COL16A1: variants seen among roughly 807,000 people sequenced by gnomAD.
COL16A1 encodes the protein collagen type XVI alpha 1 chain.
Under a neutral mutation model 266.3 loss-of-function variants are expected in COL16A1, and 189 were observed. The observed-to-expected ratio is 0.71, with a 90% CI of 0.63 to 0.80. The LOEUF is 0.80. Among genes scored for constraint, COL16A1 ranks in the 30% least tolerant of loss-of-function variants. The pLI, the probability that COL16A1 is intolerant of heterozygous loss-of-function variation, is 0.00. For missense variants in COL16A1, 1,928 were observed against 2,122.4 expected (o/e 0.91, Z 1.80); for synonymous variants, 740 against 782.3 (o/e 0.95, Z 0.90).
chr1:31,655,424 T>C lies in COL16A1; in HGVS notation c.4180A>G (p.Ser1394Gly), dbSNP rs1641045124. The C allele has an allele frequency of 6.2e-7, 1 of 1,614,072 alleles. No homozygotes were observed. The highest frequency in any genetic ancestry group is 1.7e-5 in the Admixed American group (1 of 60,020). Residue 1394 changes from serine (S) to glycine (G), a missense_variant, in exon 67 of 71, where the codon AGT (serine) becomes GGT (glycine). Ser to Gly is a moderately conservative substitution (Grantham distance 56). Transcript: ENST00000373672. Reference protein sequence around the residue: ...RAGMPGGPGKSGSMGPVGPPG... With the variant: ...RAGMPGGPGKGGSMGPVGPPG... Reference sequence around the variant, plus strand: ...GGCCCAACAGGCCCCATGGAACCACTCTTGCCAGGTCCACCAGGCATGCCG... The same window carrying C: ...GGCCCAACAGGCCCCATGGAACCACCCTTGCCAGGTCCACCAGGCATGCCG...
intron 48 of COL16A1, among the ~76,000 whole-genome samples, chr1:31,671,301 G>A (rs1278461026): frequency 6.6e-6 from 1 of 152,218 alleles, no homozygotes; most frequent in African/African-American, 2.4e-5. Context: ...TGAAGCCTAG[G>A]CCCCCTGCCG....
rs1557630038 is a variant in COL16A1 at position 31,668,271 on chromosome 1, C to G, written c.3250-53G>C. 4 of 1,588,736 alleles carry G rather than the reference C, an allele frequency of 2.5e-6. No homozygotes were observed. The highest frequency in any genetic ancestry group is 1.1e-5 in the South Asian group (1 of 90,428). ...AGCCCCCCAACATTTCTGTTCTCCC[C>G]TCGCTGGGTAAGAGGATGGCCAAAG... On this transcript the variant is annotated intron_variant, in intron 50 of 70. Transcript: ENST00000373672. The surrounding 1 kb of genome is among the most constrained non-coding windows in gnomAD (Gnocchi z 5.8).
In COL16A1 at chr1:31,698,397, C is replaced by T. The variant is rs537098511; in HGVS notation, c.390+86G>A. 17 of 1,585,868 alleles carry T rather than the reference C, an allele frequency of 1.1e-5. No homozygotes were observed. The African/African-American group carries it at 1.9e-4, about 17-fold the overall frequency. On this transcript the variant is annotated intron_variant, in intron 5 of 70. Transcript: ENST00000373672. This position sits in a 1 kb window ranked among gnomAD's most constrained non-coding sequence, Gnocchi z 4.1. The stretch of plus-strand genomic sequence containing the variant: ...GGCACAGGATGGAGCAGGGAGACCC[C>T]AGAAGTCACAAGCCGGGATGAAAGG...
Position 31,668,318 on chromosome 1 carries a change from T to A in COL16A1, c.3250-100A>T. On this transcript the variant is annotated intron_variant, in intron 50 of 70. Coordinates refer to ENST00000373672, the MANE Select transcript of COL16A1 (RefSeq NM_001856.4). The surrounding 1 kb of genome is among the most constrained non-coding windows in gnomAD (Gnocchi z 5.8). ...AAAGCTAAAACCTCTGGGGCTGCCA[T>A]CTAGCAGGTGCCAGCCTGCCCCAGC... The A allele has an allele frequency of 7.7e-7, 1 of 1,290,684 alleles. No individual in the cohort carries two copies. Among genetic ancestry groups the A allele is most frequent in the Non-Finnish European group, 1.1e-6 (1 of 899,648 alleles). 80.0% of individuals were successfully genotyped at this position (1,290,684 alleles called of 1,614,324 possible). A position where few individuals can be genotyped will look rare whatever the true frequency, so the allele number is the denominator to read the frequency against.
At position 31,672,427 on chromosome 1, in the gene COL16A1, T is replaced by C; in HGVS notation, c.3094A>G (p.Arg1032Gly). The C allele has an allele frequency of 6.2e-7, 1 of 1,614,122 alleles. No homozygotes were observed. Among genetic ancestry groups the C allele is most frequent in the African/African-American group, 1.3e-5 (1 of 75,034 alleles). ...LPGPPGLPGQ[R>G]GEEGPPGMRG... ...ATCCCTGGTCTTACCTCTTCTCCTC[T>C]CTGGCCTGGCAATCCCGGAGGACCA... Residue 1032 changes from arginine (R) to glycine (G), a missense_variant, in exon 47 of 71, where the codon AGA becomes GGA. Arg to Gly is a moderately radical substitution (Grantham distance 125). Transcript: ENST00000373672.
At position 31,703,952 on chromosome 1, in the gene COL16A1, T is replaced by G. The variant is rs1644810061; in HGVS notation, c.-150A>C. The G allele has an allele frequency of 6.6e-6, 1 of 152,228 alleles. No individual in the cohort carries two copies. The highest frequency in any genetic ancestry group is 1.5e-5 in the Non-Finnish European group (1 of 68,088). 9.4% of individuals were successfully genotyped at this position (152,228 alleles called of 1,614,324 possible). ...TCTATCTCTCCGTGACGGTCACGGG[T>G]CCCCAGCTTCCTGGCGCTCGAGCTC... On this transcript the variant is annotated 5_prime_UTR_variant, in exon 1 of 71. Coordinates refer to ENST00000373672, the MANE Select transcript of COL16A1 (RefSeq NM_001856.4).
intron 16 of COL16A1, 96 bp from the exon 17 acceptor site, chr1:31,692,163 C>A: frequency 6.4e-7 from 1 of 1,559,694 alleles, no homozygotes; most frequent in East Asian, 2.2e-5. Context: ...TTCTAGACCC[C>A]TGGTCTCTGT....
chr1:31,668,344 A>G lies in COL16A1; in HGVS notation c.3250-126T>C, dbSNP rs1490693734. On this transcript the variant is annotated intron_variant, in intron 50 of 70. Transcript: ENST00000373672. This position sits in a 1 kb window ranked among gnomAD's most constrained non-coding sequence, Gnocchi z 5.8. ...CTAGCAGGTGCCAGCCTGCCCCAGCATTGCACACTGGGCCATCTCCCCAAG... is the reference window on the plus strand; with the variant it reads ...CTAGCAGGTGCCAGCCTGCCCCAGCGTTGCACACTGGGCCATCTCCCCAAG... 7.8e-5 allele frequency: 76 copies of G among 972,130 alleles called. No individual in the cohort carries two copies. Among genetic ancestry groups the G allele is most frequent in the East Asian group, 1.3e-4 (5 of 38,450 alleles). The allele number at this position is 972,130 out of a possible 1,614,324, so 60.2% of individuals were successfully genotyped here.
At chr1:31,695,626 C>T in intron 10 of COL16A1, 135 bp downstream of exon 10, 2 of 865,160 alleles carry the variant, frequency 2.3e-6, no homozygotes, top group Non-Finnish European at 3.8e-6. Flanking sequence ...AGACAGGGCC[C>T]AGCATCAGGC....
In COL16A1 at chr1:31,699,913, G is replaced by A. The variant is rs779624978; in HGVS notation, c.166C>T (p.Arg56Ter). 1.4e-5 allele frequency: 22 copies of A among 1,612,940 alleles called. No homozygotes were observed. In the South Asian group the frequency reaches 1.5e-4, roughly 11 times the overall value. ...ANVTGFNLIH[R>*]LSLMKTSAIK... Reference sequence around the variant, plus strand: ...GCAGACGTCTTCATGAGGCTGAGTCGGTGGATGAGGTTGAAGCCTTTGGGG... The same window carrying A: ...GCAGACGTCTTCATGAGGCTGAGTCAGTGGATGAGGTTGAAGCCTTTGGGG... Residue 56 changes from arginine to a stop codon, truncating the protein, a stop_gained, in exon 4 of 71, where the codon CGA becomes TGA. Coordinates refer to ENST00000373672, the MANE Select transcript of COL16A1 (RefSeq NM_001856.4). LOFTEE classifies it high-confidence loss of function.
chr1:31,693,416 C>T (rs1644365073), intron 12 of COL16A1, among the ~76,000 whole-genome samples: 1 of 152,142 alleles, frequency 6.6e-6, no homozygotes, highest in Non-Finnish European at 1.5e-5. Flanking sequence ...GGTATCCCAT[C>T]CCCCACACCC....
rs764238055 is a variant in COL16A1 at position 31,695,748 on chromosome 1, C to CT, written c.945+12dup. On this transcript the variant is annotated intron_variant, in intron 10 of 70. Transcript: ENST00000373672. Reference sequence around the variant, plus strand: ...TGGCACCTCCCCTGCTGCCAGTCCACTGGGAGGCTTACCTCATCGGCTGCT... The same window carrying CT: ...TGGCACCTCCCCTGCTGCCAGTCCACTTGGGAGGCTTACCTCATCGGCTGCT... 6.2e-7 allele frequency: 1 copy of CT among 1,613,618 alleles called. No homozygotes were observed. Among genetic ancestry groups the CT allele is most frequent in the South Asian group, 1.1e-5 (1 of 91,066 alleles).
chr1:31,664,190 AG>A lies in COL16A1; in HGVS notation c.3555+981del. ...AAGGGGAAGGGGAAGGGGAAGGGGA[AG>A]GGGAAGGGGGCTAGCAACCACCACT... On this transcript the variant is annotated intron_variant, in intron 56 of 70. Transcript: ENST00000373672. The surrounding 1 kb of genome is among the most constrained non-coding windows in gnomAD (Gnocchi z 5.5). Among the ~76,000 whole-genome samples, 1 of 82,796 alleles carries A rather than the reference AG, an allele frequency of 1.2e-5. No homozygotes were observed. The highest frequency in any genetic ancestry group is 3.2e-5 in the African/African-American group (1 of 30,888). The allele number at this position is 82,796 out of a possible 152,430, so 54.3% of individuals were successfully genotyped here.
Position 31,652,367 on chromosome 1 carries a change from T to G in COL16A1, c.*284A>C. 4.5e-6 allele frequency: 1 copy of G among 222,962 alleles called. No individual in the cohort carries two copies. The highest frequency in any genetic ancestry group is 9.3e-5 in the East Asian group (1 of 10,700). 13.8% of individuals were successfully genotyped at this position (222,962 alleles called of 1,614,324 possible). A position where few individuals can be genotyped will look rare whatever the true frequency, so the allele number is the denominator to read the frequency against. On this transcript the variant is annotated 3_prime_UTR_variant, in exon 71 of 71. Coordinates refer to ENST00000373672, the MANE Select transcript of COL16A1 (RefSeq NM_001856.4). The surrounding 1 kb of genome is among the most constrained non-coding windows in gnomAD (Gnocchi z 4.8). The stretch of plus-strand genomic sequence containing the variant: ...GATCCTCCCACCTCAGCCCCTTGAA[T>G]AGCTAGGATTACAGGTATATGCCCC...
At position 31,656,016 on chromosome 1, in the gene COL16A1, G is replaced by A. The variant is rs143184411; in HGVS notation, c.4101+384C>T. 43 of 334,298 alleles carry A rather than the reference G, an allele frequency of 1.3e-4. No individual in the cohort carries two copies. The highest frequency in any genetic ancestry group is 6.8e-4 in the Admixed American group (14 of 20,510). 20.7% of individuals were successfully genotyped at this position (334,298 alleles called of 1,614,324 possible). A position where few individuals can be genotyped will look rare whatever the true frequency, so the allele number is the denominator to read the frequency against. On this transcript the variant is annotated intron_variant, in intron 66 of 70. Coordinates refer to ENST00000373672, the MANE Select transcript of COL16A1 (RefSeq NM_001856.4). This position sits in a 1 kb window ranked among gnomAD's most constrained non-coding sequence, Gnocchi z 4.2. ...CTCATCCCACAGCGCTATGTCTCATGTCTTCTGGAAAACTTGCCAATCCCT... is the reference window on the plus strand; with the variant it reads ...CTCATCCCACAGCGCTATGTCTCATATCTTCTGGAAAACTTGCCAATCCCT...
rs371825843 is a variant in COL16A1, at chr1:31,691,515, G to A, written c.1303-3C>T. 5 of 1,613,888 alleles carry A rather than the reference G, an allele frequency of 3.1e-6. No homozygotes were observed. The highest frequency in any genetic ancestry group is 2.2e-5 in the East Asian group (1 of 44,862). On this transcript the variant is annotated splice_polypyrimidine_tract_variant and splice_region_variant and intron_variant, in intron 18 of 70. Transcript: ENST00000373672. ...GGCCCAACAAAGCCAGGGTCTCCCT[G>A]GCACAGACATAAGGTGGGCATCAGA...
At chr1:31,653,556 C>T (rs1305876975) in intron 70 of COL16A1, 43 bp downstream of exon 70, 2 of 1,591,360 alleles carry the variant, frequency 1.3e-6, no homozygotes, top group Non-Finnish European at 1.7e-6. Context: ...AAAGGGGTCT[C>T]TGCTGCTCTG....
At position 31,668,967 on chromosome 1, in the gene COL16A1, C is replaced by G; in HGVS notation, c.3196-112G>C. The G allele has an allele frequency of 1.1e-6, 1 of 901,130 alleles. No homozygotes were observed. Among genetic ancestry groups the G allele is most frequent in the Non-Finnish European group, 1.7e-6 (1 of 588,220 alleles). 55.8% of individuals were successfully genotyped at this position (901,130 alleles called of 1,614,324 possible). A position where few individuals can be genotyped will look rare whatever the true frequency, so the allele number is the denominator to read the frequency against. ...TTCCCACTCCAGGCAAATATGGAGG[C>G]CATAGTGGCTCTCGTAGTGTCCCTA... is the stretch of plus-strand genomic sequence containing the variant. On this transcript the variant is annotated intron_variant, in intron 49 of 70. Coordinates refer to ENST00000373672, the MANE Select transcript of COL16A1 (RefSeq NM_001856.4). The surrounding 1 kb of genome is among the most constrained non-coding windows in gnomAD (Gnocchi z 5.8).
intron 16 of COL16A1, 39 bp downstream of exon 16, chr1:31,692,435 C>A (rs1644313676): frequency 1.3e-6 from 2 of 1,593,482 alleles, no homozygotes; most frequent in Non-Finnish European, 1.7e-6. Context: ...AGCCTGCAGA[C>A]CTCCCTGGAA....
Sources: allele counts gnomAD v4.1 joint callset (sites outside exome capture counted in the v4.1 genomes callset), GRCh38; gene constraint gnomAD v4.1.1; non-coding constraint Gnocchi (gnomAD v3.1); transcripts MANE v1.5; gene names NCBI Gene and HGNC (gene_info 2026-07-23, HGNC 2026-07-21).